NALF1: variants seen among roughly 807,000 people sequenced by gnomAD.
NALF1 encodes family with sequence similarity 155 member A.
A neutral mutation model predicts 48.4 loss-of-function variants in NALF1; 3 were observed. The observed-to-expected ratio is 0.06, with a 90% CI of 0.03 to 0.16. NALF1 has a LOEUF of 0.16. NALF1 is among the 10% of genes least tolerant of loss of function. The pLI, the probability that NALF1 is intolerant of heterozygous loss-of-function variation, is 1.00. For missense variants in NALF1, 526 were observed against 571.5 expected, an observed-to-expected ratio of 0.92 and a Z score of 0.81; for synonymous variants, 262 against 245.7, an observed-to-expected ratio of 1.07 and a Z score of -0.62.
rs753613053 is a variant in NALF1 at position 107,170,460 on chromosome 13, C to T, written c.*37G>A. On this transcript the variant is annotated 3_prime_UTR_variant, in exon 3 of 3. Transcript: ENST00000375915. The stretch of plus-strand genomic sequence containing the variant: ...AGACAGCAGTTGCCATTTTTCACGG[C>T]GGGCCAGCTGCTGCTGTGGTGACAC... 3.9e-6 allele frequency: 6 copies of T among 1,544,900 alleles called. No individual in the cohort carries two copies. The highest frequency in any genetic ancestry group is 3.5e-5 in the Admixed American group (2 of 56,904).
At chr13:107,770,269 C>T (rs1011256411) in intron 1 of NALF1, among the ~76,000 whole-genome samples, 1 of 152,110 alleles carries the variant, frequency 6.6e-6, no homozygotes, top group African/African-American at 2.4e-5. Flanking sequence ...TTATCTAAGA[C>T]GTTCTTTTGA....
At chr13:107,661,990 C>T (rs563620431) in intron 1 of NALF1, among the ~76,000 whole-genome samples, 1 of 152,174 alleles carries the variant, frequency 6.6e-6, no homozygotes, top group East Asian at 1.9e-4. Context: ...ATGTTATTAA[C>T]ACTTACTTCT....
chr13:107,613,226 T>A (rs952444398), intron 1 of NALF1, among the ~76,000 whole-genome samples: 4 of 152,200 alleles, frequency 2.6e-5, no homozygotes, highest in African/African-American at 9.7e-5. Context: ...TATTTTGTTA[T>A]GTTTAATCTT....
intron 1 of NALF1, among the ~76,000 whole-genome samples, chr13:107,267,300 A>C (rs9558985): frequency 0.27 from 41,003 of 152,028 alleles, 6,272 homozygotes; most frequent in East Asian, 0.52. Flanking sequence ...ATTGGACCAA[A>C]GAGGTACAGT....
chr13:107,714,273 C>T (rs1413731891), intron 1 of NALF1, among the ~76,000 whole-genome samples: 4 of 152,252 alleles, frequency 2.6e-5, no homozygotes, highest in African/African-American at 4.8e-5. Context: ...CAAGCTGCAG[C>T]GCTGCTGTCC....
chr13:107,291,293 A>G (rs751881515), intron 1 of NALF1, among the ~76,000 whole-genome samples: 5 of 152,250 alleles, frequency 3.3e-5, no homozygotes, highest in African/African-American at 4.8e-5. Flanking sequence ...GGTGCTAAGC[A>G]TAACATAGGT....
intron 1 of NALF1, among the ~76,000 whole-genome samples, chr13:107,795,775 T>C (rs1878404340): frequency 6.6e-6 from 1 of 152,252 alleles, no homozygotes; most frequent in African/African-American, 2.4e-5. Context: ...TTTCCATTAT[T>C]TCACTAACTA....
intron 1 of NALF1, among the ~76,000 whole-genome samples, chr13:107,448,106 C>A (rs1004082052): frequency 3.9e-5 from 6 of 152,118 alleles, no homozygotes; most frequent in Non-Finnish European, 7.3e-5. Context: ...TTAGCCCGAG[C>A]CCCTGCCTCT....
chr13:107,318,270 G>A (rs1214485544), intron 1 of NALF1, among the ~76,000 whole-genome samples: 1 of 152,018 alleles, frequency 6.6e-6, no homozygotes, highest in Non-Finnish European at 1.5e-5. Context: ...TCACCTGTTT[G>A]TTATCAACTG....
Position 107,272,240 on chromosome 13 carries a change from C to T in NALF1, c.916-61485G>A, listed in dbSNP as rs1474851730. Among the ~76,000 whole-genome samples, 25 of 47,152 alleles carry T rather than the reference C, an allele frequency of 5.3e-4. 9 individuals carry two copies. The East Asian group carries it at 0.015, about 28-fold the overall frequency. The allele number at this position is 47,152 out of a possible 152,430, so 30.9% of individuals were successfully genotyped here. On this transcript the variant is annotated intron_variant, in intron 1 of 2. Coordinates refer to ENST00000375915, the MANE Select transcript of NALF1 (RefSeq NM_001080396.3). Reference sequence around the variant, plus strand: ...TTTTTTTTTTTGAGACGGAGTCTCGCTCTGTCGCCCAGGCCGGACTGCGGA... The same window carrying T: ...TTTTTTTTTTTGAGACGGAGTCTCGTTCTGTCGCCCAGGCCGGACTGCGGA...
At chr13:107,210,504 A>G (rs1879738791) in intron 2 of NALF1, 80 bp downstream of exon 2, 3 of 1,019,762 alleles carry the variant, frequency 2.9e-6, no homozygotes, top group Non-Finnish European at 4.5e-6. Flanking sequence ...CAGTGAAAGG[A>G]AACAGCAAAG....
chr13:107,418,680 T>G (rs1275424755), intron 1 of NALF1, among the ~76,000 whole-genome samples: 1 of 151,918 alleles, frequency 6.6e-6, no homozygotes, highest in Non-Finnish European at 1.5e-5. Flanking sequence ...TGCTAGGAAG[T>G]TTTTCAACCC....
intron 1 of NALF1, among the ~76,000 whole-genome samples, chr13:107,797,797 T>A (rs890522370): frequency 4.6e-5 from 7 of 151,276 alleles, no homozygotes; most frequent in Admixed American, 3.3e-4. Flanking sequence ...AAAAAAAAAA[T>A]TTTATCAATC....
At chr13:107,673,844 A>C (rs1881050245) in intron 1 of NALF1, among the ~76,000 whole-genome samples, 1 of 152,318 alleles carries the variant, frequency 6.6e-6, no homozygotes, top group East Asian at 1.9e-4. Context: ...ATAATGAAGA[A>C]GAAAATGAGG....
At chr13:107,600,593 T>C (rs921660138) in intron 1 of NALF1, among the ~76,000 whole-genome samples, 1 of 152,228 alleles carries the variant, frequency 6.6e-6, no homozygotes, top group Non-Finnish European at 1.5e-5. Context: ...CACATGTTTA[T>C]TGTGTATCAG....
At chr13:107,530,259 A>G (rs2139106504) in intron 1 of NALF1, among the ~76,000 whole-genome samples, 1 of 152,250 alleles carries the variant, frequency 6.6e-6, no homozygotes, top group African/African-American at 2.4e-5. Context: ...TCCTAGCAAG[A>G]TAGTCTGCCT....
At chr13:107,574,530 G>T (rs1431752242) in intron 1 of NALF1, among the ~76,000 whole-genome samples, 1 of 152,100 alleles carries the variant, frequency 6.6e-6, no homozygotes, top group African/African-American at 2.4e-5. Context: ...GTGATCTTGT[G>T]CAATGAATAT....
chr13:107,393,309 CAAG>C (rs1455798683), intron 1 of NALF1, among the ~76,000 whole-genome samples: 2 of 151,914 alleles, frequency 1.3e-5, no homozygotes, highest in Admixed American at 1.3e-4. Context: ...GTATTTTTGT[CAAG>C]AAGAAGGAGG....
intron 1 of NALF1, among the ~76,000 whole-genome samples, chr13:107,706,472 T>A (rs1881949964): frequency 1.3e-5 from 2 of 152,238 alleles, no homozygotes; most frequent in Non-Finnish European, 2.9e-5. Flanking sequence ...AGTTTTATTC[T>A]AAAGTAGATT....
Sources: gnomAD v4.1 joint callset for allele counts (sites outside exome capture counted in the v4.1 genomes callset) on GRCh38, gnomAD v4.1.1 for gene constraint, MANE v1.5 for transcripts, NCBI Gene and HGNC (gene_info 2026-07-23, HGNC 2026-07-21) for gene names.